Variants in DGKH observed in about 807,000 individuals in gnomAD.
DGKH encodes DAG kinase eta.
Under a neutral mutation model 159.3 loss-of-function variants are expected in DGKH, and 90 were observed. The observed-to-expected ratio is 0.57, with a 90% confidence interval of 0.48 to 0.67. The LOEUF (loss-of-function observed/expected upper bound fraction) is 0.67. Among genes scored for constraint, DGKH ranks in the 30% least tolerant of loss-of-function variants. The probability of loss-of-function intolerance (pLI) is 0.00; values close to 1 mark genes in which losing one functional copy is unlikely to be tolerated. For synonymous variants in DGKH, 536 were observed against 553.8 expected (o/e 0.97, Z 0.45); for missense variants, 1,181 against 1,506.1 (o/e 0.78, Z 3.57).
chr13:42,199,584 A>G lies in DGKH; in HGVS notation c.2304A>G (p.Lys768=), dbSNP rs1179086872. 6.3e-7 allele frequency: 1 copy of G among 1,589,846 alleles called. No homozygotes were observed. The highest frequency in any genetic ancestry group is 1.4e-5 in the African/African-American group (1 of 73,450). ...ATCATAGAGATGGATATTCAGAAAA[A>G]TGTGTCATGAACAATTACTTTGGGA... The part of the protein sequence containing the change: ...DLDSVDGYSE[K]CVMNNYFGIG... Residue 768 remains lysine, a synonymous_variant, in exon 19 of 30, where the codon AAA becomes AAG. Transcript: ENST00000337343.
intron 3 of DGKH, among the ~76,000 whole-genome samples, chr13:42,151,780 T>A (rs1438187270): frequency 6.6e-6 from 1 of 152,002 alleles, no homozygotes; most frequent in Non-Finnish European, 1.5e-5. Flanking sequence ...CTTTTTAATA[T>A]AATGATTTCT....
At chr13:42,045,500 G>A (rs1198950316), upstream of DGKH, among the ~76,000 whole-genome samples, 1 of 152,186 alleles carries the variant, frequency 6.6e-6, no homozygotes, top group Non-Finnish European at 1.5e-5. Context: ...CCTCAGATAC[G>A]AGGATGACCA....
At position 42,129,580 on chromosome 13, in the gene DGKH, C is replaced by T. The variant is rs1955246754; in HGVS notation, c.332C>T (p.Ser111Leu). 6.2e-7 allele frequency: 1 copy of T among 1,612,760 alleles called. No individual in the cohort carries two copies. Among genetic ancestry groups the T allele is most frequent in the Non-Finnish European group, 8.5e-7 (1 of 1,179,468 alleles). ...KSLIFDEVDL[S>L]DASVAEASTK... ...CTGATATTTGATGAAGTTGACCTCT[C>T]AGATGCTAGTGTAGCTGAAGCAAGC... is the stretch of plus-strand genomic sequence containing the variant. The change falls in exon 3 of 30, where the codon TCA (serine) becomes TTA (leucine). Residue 111 changes from serine to leucine, a missense_variant. Physicochemically the swap from Ser to Leu is moderately radical, Grantham distance 145 (BLOSUM62 -2). Around this residue, in one of 5 missense-constraint regions of DGKH, gnomAD observed 369 missense variants for 519.4 expected, o/e 0.71. Coordinates refer to ENST00000337343, the MANE Select transcript of DGKH (RefSeq NM_178009.5).
At chr13:42,109,649 TGCCTGTGCGTGC>T (rs1159247345) in intron 1 of DGKH, among the ~76,000 whole-genome samples, 9 of 39,018 alleles carry the variant, frequency 2.3e-4, no homozygotes, top group East Asian at 5.9e-4. Flanking sequence ...TGTGCGTGCG[TGCCTGTGCGTGC>T]GTGTGTGTGC....
intron 20 of DGKH, among the ~76,000 whole-genome samples, chr13:42,201,007 T>TTTA (rs1566185619): frequency 2.6e-5 from 3 of 116,940 alleles, no homozygotes; most frequent in Non-Finnish European, 4.1e-5. Context: ...TTATTTATTT[T>TTTA]TTTGAGATGG....
intron 13 of DGKH, among the ~76,000 whole-genome samples, chr13:42,186,010 G>GT (rs1555271975): frequency 7.6e-5 from 10 of 132,290 alleles, no homozygotes; most frequent in African/African-American, 2.2e-4. Flanking sequence ...TGGTGGTGGT[G>GT]GTGTGTGTGT....
At chr13:42,040,492 AGGAGGGGCGGCGGGGG>A (rs1396094431) in intron 1 of DGKH, among the ~76,000 whole-genome samples, 1 of 147,614 alleles carries the variant, frequency 6.8e-6, no homozygotes, top group East Asian at 2.1e-4. Context: ...ACCCGCCGGG[AGGAGGGGCGGCGGGGG>A]GGAGGGGCGG....
chr13:42,125,348 C>A (rs1226221565), intron 1 of DGKH, among the ~76,000 whole-genome samples: 2 of 152,196 alleles, frequency 1.3e-5, no homozygotes, highest in African/African-American at 4.8e-5. Context: ...TTTCTGCCAT[C>A]TATTGAATGT....
chr13:42,183,013 G>A (rs1956816242), intron 13 of DGKH, among the ~76,000 whole-genome samples: 1 of 151,920 alleles, frequency 6.6e-6, no homozygotes, highest in Admixed American at 6.6e-5. Context: ...TCTTGACCAG[G>A]CATGGTGGTC....
At chr13:42,146,682 A>T (rs1955742443) in intron 3 of DGKH, among the ~76,000 whole-genome samples, 1 of 152,164 alleles carries the variant, frequency 6.6e-6, no homozygotes, top group Non-Finnish European at 1.5e-5. Context: ...GTAAGATGTT[A>T]CTCTGTGTGT....
In DGKH at chr13:42,160,087, G is replaced by T. The variant is rs1193970477; in HGVS notation, c.806G>T (p.Gly269Val). ...TGTGCTGTCTGCGACAAAACATGTG[G>T]CAGTGTTCTCCGTCTACAGGATTGG... Reference protein sequence around the residue: ...AKCAVCDKTCGSVLRLQDWKC... With the variant: ...AKCAVCDKTCVSVLRLQDWKC... The change falls in exon 7 of 30, where the codon GGC (glycine) becomes GTC (valine). Residue 269 changes from glycine to valine, a missense_variant. By Grantham distance (109) the Gly-to-Val change is moderately radical. Transcript: ENST00000337343. The T allele has an allele frequency of 1.2e-6, 2 of 1,614,238 alleles. No homozygotes were observed. Among genetic ancestry groups the T allele is most frequent in the Non-Finnish European group, 1.7e-6 (2 of 1,180,038 alleles).
At chr13:42,091,340 T>A (rs1954413539) in intron 1 of DGKH, among the ~76,000 whole-genome samples, 1 of 152,170 alleles carries the variant, frequency 6.6e-6, no homozygotes, top group South Asian at 2.1e-4. Flanking sequence ...TAAAAACTTC[T>A]GTGTGTCAAA....
chr13:42,179,747 C>T (rs1388074458), intron 13 of DGKH, among the ~76,000 whole-genome samples: 2 of 149,106 alleles, frequency 1.3e-5, no homozygotes, highest in Non-Finnish European at 3.0e-5. Context: ...CACCACTGCA[C>T]TCCAGCCTGG....
At chr13:42,044,535 C>T (rs999383215), upstream of DGKH, among the ~76,000 whole-genome samples, 2 of 152,158 alleles carry the variant, frequency 1.3e-5, no homozygotes, top group African/African-American at 4.8e-5. Context: ...GTGATCCGTT[C>T]GCCTTGGCCT....
intron 1 of DGKH, among the ~76,000 whole-genome samples, chr13:42,055,918 G>A (rs1881723717): frequency 6.6e-6 from 1 of 152,188 alleles, no homozygotes; most frequent in Non-Finnish European, 1.5e-5. Flanking sequence ...GGGAGGCTGA[G>A]CTGGTAAGGT....
chr13:42,070,100 G>C, intron 1 of DGKH: 1 of 963,828 alleles, frequency 1.0e-6, no homozygotes, highest in Non-Finnish European at 1.7e-6. Context: ...ATATGAAAAG[G>C]ATGGCTTGAA....
intron 29 of DGKH, among the ~76,000 whole-genome samples, chr13:42,252,118 G>A (rs1249739034): frequency 1.3e-5 from 2 of 150,782 alleles, no homozygotes; most frequent in South Asian, 2.1e-4. Context: ...TAAAATGAAA[G>A]AGCTTTTCCT....
At chr13:42,133,230 G>A (rs1455512367) in intron 3 of DGKH, among the ~76,000 whole-genome samples, 1 of 151,690 alleles carries the variant, frequency 6.6e-6, no homozygotes, top group African/African-American at 2.4e-5. Flanking sequence ...CTTGAGGATA[G>A]GGACTCTGTC....
intron 1 of DGKH, among the ~76,000 whole-genome samples, chr13:42,062,052 T>C (rs1882221208): frequency 6.6e-6 from 1 of 151,650 alleles, no homozygotes; most frequent in African/African-American, 2.4e-5. Flanking sequence ...CTCTCTTTGA[T>C]AAGGTAATAT....
Sources: allele counts gnomAD v4.1 joint callset (sites outside exome capture counted in the v4.1 genomes callset), GRCh38; gene constraint gnomAD v4.1.1; regional missense constraint gnomAD v4.1.1; transcripts MANE v1.5; gene names NCBI Gene and HGNC (gene_info 2026-07-23, HGNC 2026-07-21).